GRK5: variants seen among roughly 807,000 people sequenced by gnomAD.
GRK5 encodes G protein-coupled receptor kinase 5.
A neutral mutation model predicts 78.4 loss-of-function variants in GRK5; 40 were observed. That is an observed-to-expected ratio of 0.51 (90% CI 0.40 to 0.66). GRK5 has a LOEUF of 0.66. Among genes scored for constraint, GRK5 ranks in the 30% least tolerant of loss-of-function variants. The pLI is 0.00. For missense variants in GRK5, 598 were observed against 759.9 expected, an observed-to-expected ratio of 0.79 and a Z score of 2.50; for synonymous variants, 289 against 296.8, an observed-to-expected ratio of 0.97 and a Z score of 0.27.
rs1037393749 is a variant in GRK5, at chr10:119,238,816, T to C, written c.52+30847T>C. Among the ~76,000 whole-genome samples the C allele has an allele frequency of 6.6e-6, 1 of 152,110 alleles. No individual in the cohort carries two copies. Among genetic ancestry groups the C allele is most frequent in the Admixed American group, 6.6e-5 (1 of 15,266 alleles). On this transcript the variant is annotated intron_variant, in intron 1 of 15. Coordinates refer to ENST00000392870, the MANE Select transcript of GRK5 (RefSeq NM_005308.3). This position sits in a 1 kb window ranked among gnomAD's most constrained non-coding sequence, Gnocchi z 4.7. ...CGGAGAAGGGTGGTCATATGGCCAG[T>C]GTCAGGATTAATAGAATCCCCTTTC...
At chr10:119,394,244 CTG>C (rs777291698) in intron 3 of GRK5, among the ~76,000 whole-genome samples, 2 of 2,970 alleles carry the variant, frequency 6.7e-4, no homozygotes, top group Non-Finnish European at 1.3e-3. Context: ...GTGTGGGTGT[CTG>C]TGTGTGGATG....
intron 4 of GRK5, among the ~76,000 whole-genome samples, chr10:119,417,423 G>A (rs891706285): frequency 2.6e-5 from 4 of 152,190 alleles, no homozygotes; most frequent in Admixed American, 6.5e-5. Flanking sequence ...GCGGCAATGA[G>A]CATTTGCTGT....
At chr10:119,449,860 G>A (rs60458444) in intron 13 of GRK5, among the ~76,000 whole-genome samples, 13,663 of 152,276 alleles carry the variant, frequency 0.09, 910 homozygotes, top group East Asian at 0.31. Context: ...GGCAGGGGGA[G>A]GATGGTAATC....
At chr10:119,386,663 T>C (rs1348187742) in intron 3 of GRK5, among the ~76,000 whole-genome samples, 4 of 152,200 alleles carry the variant, frequency 2.6e-5, no homozygotes, top group Admixed American at 2.0e-4. Flanking sequence ...TCTGCATCCC[T>C]GGGAATTAGC....
intron 2 of GRK5, among the ~76,000 whole-genome samples, chr10:119,348,011 C>T (rs1367847101): frequency 6.6e-6 from 1 of 152,258 alleles, no homozygotes; most frequent in East Asian, 1.9e-4. Flanking sequence ...CTTCTCTCAT[C>T]CGCCATTGTT....
chr10:119,416,739 G>A (rs948851606), intron 4 of GRK5, among the ~76,000 whole-genome samples: 2 of 152,110 alleles, frequency 1.3e-5, no homozygotes, highest in Non-Finnish European at 2.9e-5. Flanking sequence ...GACTACAGGC[G>A]CATGCCACCA....
chr10:119,408,686 G>T (rs1032237716), intron 4 of GRK5, among the ~76,000 whole-genome samples: 3 of 152,170 alleles, frequency 2.0e-5, no homozygotes, highest in Non-Finnish European at 4.4e-5. Flanking sequence ...ATCTACCAGG[G>T]GGCACGTGGG....
At position 119,253,212 on chromosome 10, in the gene GRK5, T is replaced by A. The variant is rs193000623; in HGVS notation, c.52+45243T>A. 6.6e-6 allele frequency among the ~76,000 whole-genome samples: 1 copy of A among 152,204 alleles called. No individual in the cohort carries two copies. The highest frequency in any genetic ancestry group is 1.5e-5 in the Non-Finnish European group (1 of 68,012). On this transcript the variant is annotated intron_variant, in intron 1 of 15. Coordinates refer to ENST00000392870, the MANE Select transcript of GRK5 (RefSeq NM_005308.3). This position sits in a 1 kb window ranked among gnomAD's most constrained non-coding sequence, Gnocchi z 5.7. ...GCCCCCTTGAGCTCACATCTGAGGGTCTGTTGAGATTACAGAGGCCCTTGA... is the reference window on the plus strand; with the variant it reads ...GCCCCCTTGAGCTCACATCTGAGGGACTGTTGAGATTACAGAGGCCCTTGA...
chr10:119,234,839 C>T (rs547561505), intron 1 of GRK5, among the ~76,000 whole-genome samples: 27 of 151,656 alleles, frequency 1.8e-4, no homozygotes, highest in South Asian at 6.3e-4. Context: ...ATTATAGGTG[C>T]ACGCCTTGTA....
chr10:119,395,469 G>C (rs915811692), intron 3 of GRK5, among the ~76,000 whole-genome samples: 2 of 152,174 alleles, frequency 1.3e-5, no homozygotes, highest in Non-Finnish European at 1.5e-5. Context: ...GGAGGAGTTC[G>C]GGTCCGTCTA....
At chr10:119,299,389 C>T (rs1336176368) in intron 1 of GRK5, among the ~76,000 whole-genome samples, 2 of 151,016 alleles carry the variant, frequency 1.3e-5, no homozygotes, top group Non-Finnish European at 1.5e-5. Flanking sequence ...GCCGAGATCA[C>T]GCCACTGCAC....
At chr10:119,214,110 G>A (rs553117229) in intron 1 of GRK5, among the ~76,000 whole-genome samples, 29 of 152,248 alleles carry the variant, frequency 1.9e-4, no homozygotes, top group African/African-American at 6.7e-4. Flanking sequence ...GAGTAGCTGG[G>A]ATTACAGGCG....
chr10:119,260,478 C>T (rs1277759159), intron 1 of GRK5, among the ~76,000 whole-genome samples: 6 of 142,198 alleles, frequency 4.2e-5, no homozygotes, highest in South Asian at 2.2e-4. Context: ...GGTCATAGGA[C>T]AATAGTGGAG....
chr10:119,207,705 AGCGGCG>A lies in GRK5; in HGVS notation c.-189_-184del, dbSNP rs76422636. On this transcript the variant is annotated 5_prime_UTR_variant, in exon 1 of 16. Coordinates refer to ENST00000392870, the MANE Select transcript of GRK5 (RefSeq NM_005308.3). ...GAGGGGGGACACAGAGGGAGGAAGA[AGCGGCG>A]GCGGCGGCGGCGGCGGCGGCGGCTC... 0.98 allele frequency: 436,989 copies of A among 446,902 alleles called. 213,570 individuals are homozygous for A. Among genetic ancestry groups the A allele is most frequent in the Admixed American group, 0.99 (20,716 of 21,006 alleles). The allele number at this position is 446,902 out of a possible 1,614,324, so 27.7% of individuals were successfully genotyped here.
chr10:119,393,708 C>CT (rs1232150414), intron 3 of GRK5, among the ~76,000 whole-genome samples: 1 of 152,236 alleles, frequency 6.6e-6, no homozygotes, highest in Admixed American at 6.5e-5. Flanking sequence ...GGAGACGCCA[C>CT]TGCTGCCCCG....
chr10:119,237,120 C>CCGCGCGATCTTGGCTTA (rs1218591890), intron 1 of GRK5, among the ~76,000 whole-genome samples: 1 of 139,568 alleles, frequency 7.2e-6, no homozygotes, highest in Non-Finnish European at 1.5e-5. Context: ...TGGAATGCAG[C>CCGCGCGATCTTGGCTTA]CGCGCGATCT....
intron 1 of GRK5, among the ~76,000 whole-genome samples, chr10:119,248,707 T>TA (rs1002302865): frequency 1.0e-4 from 15 of 148,344 alleles, no homozygotes; most frequent in Admixed American, 4.0e-4. Flanking sequence ...TTTAAATGGT[T>TA]AAAAAAAAAA....
intron 2 of GRK5, among the ~76,000 whole-genome samples, chr10:119,341,524 G>T (rs916845054): frequency 3.3e-5 from 5 of 152,024 alleles, no homozygotes; most frequent in African/African-American, 1.2e-4. Context: ...TGCTTCATAG[G>T]TCACCTCCTC....
Position 119,269,982 on chromosome 10 carries a change from G to C in GRK5, c.53-56534G>C, listed in dbSNP as rs567022282. Among the ~76,000 whole-genome samples the C allele has an allele frequency of 4.6e-5, 7 of 152,218 alleles. No individual in the cohort carries two copies. The East Asian group carries it at 1.4e-3, about 29-fold the overall frequency. On this transcript the variant is annotated intron_variant, in intron 1 of 15. Coordinates refer to ENST00000392870, the MANE Select transcript of GRK5 (RefSeq NM_005308.3). The stretch of plus-strand genomic sequence containing the variant: ...TGTGCCAGTCCCCCACACTTTGTCT[G>C]CTCCTCCAGCCTCCTTGGAGTACCT...
Sources: gnomAD v4.1 joint callset for allele counts (sites outside exome capture counted in the v4.1 genomes callset) on GRCh38, gnomAD v4.1.1 for gene constraint, Gnocchi (gnomAD v3.1) non-coding constraint, MANE v1.5 for transcripts, NCBI Gene and HGNC (gene_info 2026-07-23, HGNC 2026-07-21) for gene names.